The following AREG variants were observed in gnomAD, a reference collection of about 807,000 sequenced individuals.
AREG encodes the protein amphiregulin B.
Under a neutral mutation model 28.0 loss-of-function variants are expected in AREG, and 16 were observed. That is an observed-to-expected ratio of 0.57 (90% CI 0.39 to 0.87). The LOEUF (loss-of-function observed/expected upper bound fraction) is 0.87. Among genes scored for constraint, AREG ranks in the 40% least tolerant of loss-of-function variants. AREG has a pLI of 0.00. For synonymous variants in AREG, 113 were observed against 113.5 expected, an observed-to-expected ratio of 1.00 and a Z score of 0.02; for missense variants, 287 against 309.1, an observed-to-expected ratio of 0.93 and a Z score of 0.53.
chr4:74,453,213 G>A (rs1400936304), intron 5 of AREG, among the ~76,000 whole-genome samples: 2 of 152,316 alleles, frequency 1.3e-5, no homozygotes, highest in South Asian at 2.1e-4. Context: ...CAGTTGTGAT[G>A]ATAGGTTGAG....
intron 5 of AREG, among the ~76,000 whole-genome samples, chr4:74,454,342 CTAT>C (rs1237979141): frequency 1.3e-5 from 2 of 152,148 alleles, no homozygotes; most frequent in African/African-American, 4.8e-5. Context: ...CTGGTAGTTA[CTAT>C]TATTATGCCC....
intron 1 of AREG, 85 bp downstream of exon 1, chr4:74,445,491 A>G: frequency 6.5e-7 from 1 of 1,548,058 alleles, no homozygotes; most frequent in Non-Finnish European, 8.7e-7. Context: ...TTCTCTAAAA[A>G]TCGCCCTTTA....
At chr4:74,450,910 G>A (rs1186984026) in intron 4 of AREG, among the ~76,000 whole-genome samples, 3 of 152,086 alleles carry the variant, frequency 2.0e-5, no homozygotes, top group Non-Finnish European at 4.4e-5. Context: ...GTTTATAGGA[G>A]GTTCGTAGTA....
intron 3 of AREG, among the ~76,000 whole-genome samples, chr4:74,449,776 G>A (rs1719351095): frequency 6.6e-6 from 1 of 151,974 alleles, no homozygotes; most frequent in Non-Finnish European, 1.5e-5. Flanking sequence ...AAACAAAAAT[G>A]TAAAAACTAT....
In AREG at chr4:74,445,248, TC is replaced by T; in HGVS notation, c.-96del. 1 of 1,549,844 alleles carries T rather than the reference TC, an allele frequency of 6.5e-7. No homozygotes were observed. The highest frequency in any genetic ancestry group is 8.7e-7 in the Non-Finnish European group (1 of 1,147,198). On this transcript the variant is annotated 5_prime_UTR_variant, in exon 1 of 6. Transcript: ENST00000395748. Reference sequence around the variant, plus strand: ...TCGAGAGCGGCGCACACTCCCGGTCTCCACTCGCTCTTCCAACACCCGCTCG... The same window carrying T: ...TCGAGAGCGGCGCACACTCCCGGTCTCACTCGCTCTTCCAACACCCGCTCG...
chr4:74,445,256 C>T lies in AREG; in HGVS notation c.-90C>T, dbSNP rs1578842815. 1.3e-6 allele frequency: 2 copies of T among 1,556,188 alleles called. No homozygotes were observed. The highest frequency in any genetic ancestry group is 1.7e-6 in the Non-Finnish European group (2 of 1,150,894). On this transcript the variant is annotated 5_prime_UTR_variant, in exon 1 of 6. Transcript: ENST00000395748. ...GGCGCACACTCCCGGTCTCCACTCG[C>T]TCTTCCAACACCCGCTCGTTTTGGC... is the stretch of plus-strand genomic sequence containing the variant.
In AREG at chr4:74,449,094, A is replaced by G. The variant is rs1719339457; in HGVS notation, c.358A>G (p.Thr120Ala). Residue 120 changes from threonine to alanine, a missense_variant, in exon 3 of 6, where the codon ACT becomes GCT. Thr to Ala is a moderately conservative substitution (Grantham distance 58, BLOSUM62 0). Coordinates refer to ENST00000395748, the MANE Select transcript of AREG (RefSeq NM_001657.4). Reference protein sequence around the residue: ...PPQNKTESENTSDKPKRKKKG... With the variant: ...PPQNKTESENASDKPKRKKKG... ...CCAAAACAAGACGGAAAGTGAAAAT[A>G]CTTCAGATAAACCCAAAAGAAAGAA... 2 of 1,611,922 alleles carry G rather than the reference A, an allele frequency of 1.2e-6. No homozygotes were observed. Among genetic ancestry groups the G allele is most frequent in the East Asian group, 2.2e-5 (1 of 44,770 alleles).
chr4:74,449,430 C>T (rs974897495), intron 3 of AREG, among the ~76,000 whole-genome samples, 182 bp downstream of exon 3: 6 of 152,202 alleles, frequency 3.9e-5, no homozygotes, highest in Admixed American at 3.3e-4. Context: ...ACTTAAACAA[C>T]GAATTAAAGT....
chr4:74,449,462 A>G (rs949390269), intron 3 of AREG, among the ~76,000 whole-genome samples: 2 of 152,204 alleles, frequency 1.3e-5, no homozygotes, highest in African/African-American at 4.8e-5. Flanking sequence ...AAAATGTAAA[A>G]TTGGTGGGTG....
Position 74,445,379 on chromosome 4 carries a change from G to C in AREG, c.34G>C (p.Val12Leu). ...RAPLLPPAPV[V>L]LSLLILGSGH... ...CCCGCTGCTACCGCCGGCGCCGGTG[G>C]TGCTGTCGCTCTTGATACTCGGCTC... is the stretch of plus-strand genomic sequence containing the variant. The change falls in exon 1 of 6, where the codon GTG (valine) becomes CTG (leucine). Residue 12 changes from valine (V) to leucine (L), a missense_variant. Val to Leu is a conservative substitution (Grantham distance 32). Transcript: ENST00000395748. The C allele has an allele frequency of 6.2e-7, 1 of 1,610,866 alleles. No homozygotes were observed. The highest frequency in any genetic ancestry group is 8.5e-7 in the Non-Finnish European group (1 of 1,179,354).
At chr4:74,449,001 T>G in intron 2 of AREG, 46 bp from the exon 3 acceptor site, 1 of 1,601,782 alleles carries the variant, frequency 6.2e-7, no homozygotes, top group Non-Finnish European at 8.5e-7. Context: ...TCTAAAATTA[T>G]ATTCAAGTTT....
intron 2 of AREG, 50 bp downstream of exon 2, chr4:74,446,832 T>C (rs1719299281): frequency 1.2e-6 from 2 of 1,613,594 alleles, no homozygotes; most frequent in Non-Finnish European, 1.7e-6. Flanking sequence ...TGGGTTTATA[T>C]GAGCAAAGCT....
At position 74,450,493 on chromosome 4, in the gene AREG, C is replaced by CTGCTGTGATCCTCACAGCTGT; in HGVS notation, c.633_653dup (p.Leu213_Ile219dup). On this transcript the variant is annotated inframe_insertion, in exon 4 of 6. Transcript: ENST00000395748. ...TTAGCAGCCATAGCTGCCTTTATGT[C>CTGCTGTGATCCTCACAGCTGT]TGCTGTGATCCTCACAGCTGTTGCT... The CTGCTGTGATCCTCACAGCTGT allele has an allele frequency of 5.0e-6, 8 of 1,613,968 alleles. No homozygotes were observed. The highest frequency in any genetic ancestry group is 6.8e-6 in the Non-Finnish European group (8 of 1,179,846).
In AREG at chr4:74,449,038, C is replaced by CT. The variant is rs1267456101; in HGVS notation, c.311-3dup. Reference sequence around the variant, plus strand: ...AGAGACTCTTGTCAATAAATCTTTTCTTTTTTAGTTGAACAGGTAGTTAAG... The same window carrying CT: ...AGAGACTCTTGTCAATAAATCTTTTCTTTTTTTAGTTGAACAGGTAGTTAAG... On this transcript the variant is annotated splice_polypyrimidine_tract_variant and intron_variant, in intron 2 of 5. Transcript: ENST00000395748. 2 of 1,607,294 alleles carry CT rather than the reference C, an allele frequency of 1.2e-6. No homozygotes were observed. The highest frequency in any genetic ancestry group is 2.7e-5 in the African/African-American group (2 of 72,796).
At chr4:74,448,177 G>A (rs894556792) in intron 2 of AREG, among the ~76,000 whole-genome samples, 2 of 152,170 alleles carry the variant, frequency 1.3e-5, no homozygotes, top group South Asian at 2.1e-4. Flanking sequence ...AAGTTACAAC[G>A]TTCATTCAAA....
At chr4:74,446,112 A>C (rs1376501111) in intron 1 of AREG, among the ~76,000 whole-genome samples, 2 of 152,244 alleles carry the variant, frequency 1.3e-5, no homozygotes, top group East Asian at 3.8e-4. Context: ...AAAAATATGA[A>C]CACATCTGAA....
chr4:74,452,599 C>G lies in AREG; in HGVS notation c.721C>G (p.Leu241Val). 6.2e-7 allele frequency: 1 copy of G among 1,613,452 alleles called. No individual in the cohort carries two copies. The highest frequency in any genetic ancestry group is 8.5e-7 in the Non-Finnish European group (1 of 1,179,650). Residue 241 changes from leucine to valine, a missense_variant, in exon 5 of 6, where the codon CTT (leucine) becomes GTT (valine). Leu to Val is a conservative substitution (Grantham distance 32). Coordinates refer to ENST00000395748, the MANE Select transcript of AREG (RefSeq NM_001657.4). ...AGGAGAAGCTGAGGAACGAAAGAAA[C>G]TTCGACAAGAGAATGGAAATGTACA... ...YEGEAEERKK[L>V]RQENGNVHAI...
In AREG at chr4:74,445,517, C is replaced by T. The variant is rs528096448; in HGVS notation, c.61+111C>T. 5.9e-6 allele frequency: 9 copies of T among 1,533,632 alleles called. No homozygotes were observed. The African/African-American group carries it at 1.2e-4, about 21-fold the overall frequency. On this transcript the variant is annotated intron_variant, in intron 1 of 5. Coordinates refer to ENST00000395748, the MANE Select transcript of AREG (RefSeq NM_001657.4). ...TCGCCCTTTAGTTCCCCCGACCCTG[C>T]GCCGCAGGAGGTGATCACTGTAGCT... is the stretch of plus-strand genomic sequence containing the variant.
rs774814698 is a variant in AREG at position 74,445,306 on chromosome 4, G to C, written c.-40G>C. 3.1e-6 allele frequency: 5 copies of C among 1,600,962 alleles called. No individual in the cohort carries two copies. The South Asian group carries it at 5.6e-5, about 18-fold the overall frequency. On this transcript the variant is annotated 5_prime_UTR_variant, in exon 1 of 6. Coordinates refer to ENST00000395748, the MANE Select transcript of AREG (RefSeq NM_001657.4). Reference sequence around the variant, plus strand: ...CGGCAGCTCGTGTCCCAGAGACCGAGTTGCCCCAGAGACCGAGACGCCGCC... The same window carrying C: ...CGGCAGCTCGTGTCCCAGAGACCGACTTGCCCCAGAGACCGAGACGCCGCC...
Sources: gnomAD v4.1 joint callset for allele counts (sites outside exome capture counted in the v4.1 genomes callset) on GRCh38, gnomAD v4.1.1 for gene constraint, MANE v1.5 for transcripts, NCBI Gene and HGNC (gene_info 2026-07-23, HGNC 2026-07-21) for gene names.